The following RRAS2 variants were observed in gnomAD, a reference collection of about 807,000 sequenced individuals.
The protein encoded by RRAS2 is ras-related protein R-Ras2.
A neutral mutation model predicts 27.6 loss-of-function variants in RRAS2; 7 were observed. That is an observed-to-expected ratio of 0.25 (90% CI 0.14 to 0.48). The LOEUF (loss-of-function observed/expected upper bound fraction) is 0.48, where lower values mean the gene tolerates loss of function less well. Ranked by LOEUF, RRAS2 falls within the 20% of genes least tolerant of loss-of-function variation. The pLI is 0.99. For missense variants in RRAS2, 178 were observed against 256.2 expected, an observed-to-expected ratio of 0.69 and a Z score of 2.08; for synonymous variants, 86 against 90.9, an observed-to-expected ratio of 0.95 and a Z score of 0.31.
At chr11:14,338,379 T>C (rs1272070102) in intron 1 of RRAS2, among the ~76,000 whole-genome samples, 1 of 152,220 alleles carries the variant, frequency 6.6e-6, no homozygotes, top group Non-Finnish European at 1.5e-5. Flanking sequence ...TTTTGGATTT[T>C]GGAATATCTG....
intron 4 of RRAS2, among the ~76,000 whole-genome samples, chr11:14,288,907 C>A (rs1849734631): frequency 6.6e-6 from 1 of 152,146 alleles, no homozygotes; most frequent in Admixed American, 6.5e-5. Context: ...CACATTAATA[C>A]AACGTCTTAA....
intron 1 of RRAS2, among the ~76,000 whole-genome samples, chr11:14,338,606 A>G (rs751496226): frequency 6.6e-6 from 1 of 152,210 alleles, no homozygotes; most frequent in Non-Finnish European, 1.5e-5. Flanking sequence ...TCATGACTCA[A>G]AAAGTTTCAG....
intron 4 of RRAS2, among the ~76,000 whole-genome samples, chr11:14,288,896 T>C (rs1212187717): frequency 6.6e-6 from 1 of 152,232 alleles, no homozygotes; most frequent in African/African-American, 2.4e-5. Flanking sequence ...AAAAGAATCA[T>C]CACATTAATA....
At chr11:14,301,594 A>T (rs1165316410) in intron 1 of RRAS2, among the ~76,000 whole-genome samples, 10 of 152,242 alleles carry the variant, frequency 6.6e-5, no homozygotes, top group African/African-American at 2.4e-4. Flanking sequence ...TAGTGCTTAA[A>T]CATCAAATAA....
intron 4 of RRAS2, among the ~76,000 whole-genome samples, chr11:14,287,740 C>T (rs1226354571): frequency 6.6e-6 from 1 of 151,826 alleles, no homozygotes; most frequent in Non-Finnish European, 1.5e-5. Flanking sequence ...GGTGTGATGG[C>T]ACGGGCCTGT....
intron 1 of RRAS2, among the ~76,000 whole-genome samples, chr11:14,345,526 G>A (rs782036584): frequency 2.6e-5 from 4 of 152,172 alleles, no homozygotes; most frequent in Non-Finnish European, 5.9e-5. Context: ...GACACAGATC[G>A]TTGTTCAAGG....
upstream of RRAS2, among the ~76,000 whole-genome samples, chr11:14,363,820 C>T (rs1476711100): frequency 1.3e-5 from 2 of 151,558 alleles, no homozygotes; most frequent in East Asian, 3.9e-4. Context: ...CCTGTAATCC[C>T]AGAACTTTGG....
intron 4 of RRAS2, among the ~76,000 whole-genome samples, chr11:14,290,199 C>T (rs552219746): frequency 6.6e-6 from 1 of 152,276 alleles, no homozygotes; most frequent in South Asian, 2.1e-4. Context: ...ACCTGTAATC[C>T]CATCACTTTG....
chr11:14,349,456 C>T (rs1848907055), intron 1 of RRAS2, among the ~76,000 whole-genome samples: 1 of 152,066 alleles, frequency 6.6e-6, no homozygotes, highest in Admixed American at 6.5e-5. Context: ...GCCACCACAC[C>T]CGGCCTATAT....
exon 1 of RRAS2, chr11:14,364,445 A>C: frequency 6.6e-7 from 1 of 1,509,386 alleles, no homozygotes; most frequent in Non-Finnish European, 8.9e-7. Context: ...CATTGCTTTT[A>C]ATGTGAATGA....
At chr11:14,321,854 A>C (rs193143472) in intron 1 of RRAS2, among the ~76,000 whole-genome samples, 42 of 152,292 alleles carry the variant, frequency 2.8e-4, no homozygotes, top group Admixed American at 2.6e-3. Context: ...TATTTAATCC[A>C]GATCTAGTTA....
rs567257473 is a variant in RRAS2, at chr11:14,314,430, T to C, written c.109-18575A>G. ...ACCAAATCCTCAATTTTAGAAATAATATATGCAGAAATAAGAAGTGCAGAA... is the reference window on the plus strand; with the variant it reads ...ACCAAATCCTCAATTTTAGAAATAACATATGCAGAAATAAGAAGTGCAGAA... On this transcript the variant is annotated intron_variant, in intron 1 of 5. Transcript: ENST00000256196. Among the ~76,000 whole-genome samples, 31 of 152,242 alleles carry C rather than the reference T, an allele frequency of 2.0e-4. 1 individual carries two copies. In the South Asian group the frequency reaches 6.4e-3, roughly 32 times the overall value.
chr11:14,297,642 GTCC>G (rs1288533561), intron 1 of RRAS2, among the ~76,000 whole-genome samples: 3 of 152,056 alleles, frequency 2.0e-5, no homozygotes, highest in Non-Finnish European at 4.4e-5. Context: ...TACACCTGTA[GTCC>G]TAGTTACTCC....
At chr11:14,298,180 C>T (rs1467651175) in intron 1 of RRAS2, among the ~76,000 whole-genome samples, 2 of 152,190 alleles carry the variant, frequency 1.3e-5, no homozygotes, top group Non-Finnish European at 1.5e-5. Flanking sequence ...AGATTCATTT[C>T]TTGAAACATG....
rs564923602 is a variant in RRAS2, at chr11:14,310,652, A to T, written c.109-14797T>A. On this transcript the variant is annotated intron_variant, in intron 1 of 5. Transcript: ENST00000256196. ...TCTCTCTACAGATAAGGAAAAAAAGAACTGAAAGATTAAGTAGGGTGACCA... is the reference window on the plus strand; with the variant it reads ...TCTCTCTACAGATAAGGAAAAAAAGTACTGAAAGATTAAGTAGGGTGACCA... Among the ~76,000 whole-genome samples the T allele has an allele frequency of 2.6e-5, 4 of 152,306 alleles. No individual in the cohort carries two copies. The East Asian group carries it at 5.8e-4, about 22-fold the overall frequency.
intron 1 of RRAS2, among the ~76,000 whole-genome samples, chr11:14,296,522 C>T (rs772956888): frequency 6.6e-6 from 1 of 152,072 alleles, no homozygotes; most frequent in African/African-American, 2.4e-5. Context: ...ATAATTCAGA[C>T]CTATTTGAAT....
intron 1 of RRAS2, chr11:14,356,918 G>C (rs1849089294): frequency 8.1e-6 from 3 of 369,396 alleles, no homozygotes; most frequent in South Asian, 4.2e-5. Flanking sequence ...CTCCAGAGTA[G>C]CTGGGACTAC....
intron 1 of RRAS2, among the ~76,000 whole-genome samples, chr11:14,334,326 A>C (rs1160121061): frequency 6.6e-6 from 1 of 152,040 alleles, no homozygotes; most frequent in African/African-American, 2.4e-5. Context: ...AACAATTTAA[A>C]ATGTTTATTG....
chr11:14,306,225 G>A (rs1056902848), intron 1 of RRAS2, among the ~76,000 whole-genome samples: 2 of 151,722 alleles, frequency 1.3e-5, no homozygotes, highest in Admixed American at 1.3e-4. Flanking sequence ...TACTCAAATC[G>A]TTGCCCCTTA....
Sources: gnomAD v4.1 joint callset for allele counts (sites outside exome capture counted in the v4.1 genomes callset) on GRCh38, gnomAD v4.1.1 for gene constraint, MANE v1.5 for transcripts, NCBI Gene and HGNC (gene_info 2026-07-23, HGNC 2026-07-21) for gene names.